BTAF1: variants seen among roughly 807,000 people sequenced by gnomAD.
The protein encoded by BTAF1 is B-TFIID TATA-box binding protein associated factor 1.
A neutral mutation model predicts 227.1 loss-of-function variants in BTAF1; 38 were observed. The ratio of observed to expected loss-of-function variants is 0.17; its 90% confidence interval spans 0.13 to 0.22. BTAF1 has a LOEUF of 0.22. Ranked by LOEUF, BTAF1 falls within the 10% of genes least tolerant of loss-of-function variation. The pLI is 1.00. For synonymous variants in BTAF1, 742 were observed against 751.9 expected (o/e 0.99, Z 0.21); for missense variants, 1,598 against 2,204.0 (o/e 0.73, Z 5.51).
At chr10:92,021,931 T>A (rs1487669729) in intron 34 of BTAF1, among the ~76,000 whole-genome samples, 1 of 152,076 alleles carries the variant, frequency 6.6e-6, no homozygotes, top group South Asian at 2.1e-4. Context: ...GAGGAATGAT[T>A]GAAAAAACGG....
At chr10:92,003,991 T>C (rs987494679) in intron 25 of BTAF1, among the ~76,000 whole-genome samples, 15 of 152,210 alleles carry the variant, frequency 9.9e-5, no homozygotes, top group African/African-American at 3.6e-4. Flanking sequence ...CCCTGATGAT[T>C]TATGTTGAGC....
At chr10:91,996,712 T>G in intron 24 of BTAF1, 142 bp downstream of exon 24, 1 of 784,482 alleles carries the variant, frequency 1.3e-6, no homozygotes, top group Non-Finnish European at 1.9e-6. Flanking sequence ...ACATCTTATT[T>G]TGAAATATTT....
rs559748518 is a variant in BTAF1 at position 91,939,572 on chromosome 10, G to A, written c.139-380G>A. Among the ~76,000 whole-genome samples, 33 of 152,198 alleles carry A rather than the reference G, an allele frequency of 2.2e-4. 1 individual carries two copies. The highest frequency in any genetic ancestry group is 7.7e-4 in the African/African-American group (32 of 41,532). On this transcript the variant is annotated intron_variant, in intron 2 of 37. Coordinates refer to ENST00000265990, the MANE Select transcript of BTAF1 (RefSeq NM_003972.3). ...TCCTGTCTCAGCCTCCCAAGTAGTC[G>A]GGATGACAGGTGTGTGCCACCATGC...
intron 14 of BTAF1, among the ~76,000 whole-genome samples, chr10:91,970,259 A>G (rs1847194771): frequency 6.6e-6 from 1 of 152,068 alleles, no homozygotes; most frequent in South Asian, 2.1e-4. Flanking sequence ...TGGGCCCTCA[A>G]TGTTTGTTAA....
Position 91,923,913 on chromosome 10 carries a change from G to C in BTAF1, c.-164G>C. 1.3e-6 allele frequency: 1 copy of C among 797,222 alleles called. No individual in the cohort carries two copies. The highest frequency in any genetic ancestry group is 1.8e-6 in the Non-Finnish European group (1 of 555,908). 49.4% of individuals were successfully genotyped at this position (797,222 alleles called of 1,614,324 possible). On this transcript the variant is annotated 5_prime_UTR_variant, in exon 1 of 38. Coordinates refer to ENST00000265990, the MANE Select transcript of BTAF1 (RefSeq NM_003972.3). ...GCCGCGGGGACGAGCTCGGGTAGGC[G>C]GCAGGGCAGATGCCCGAGGGCCTGC...
At chr10:91,991,319 CTG>C (rs2134023085) in intron 20 of BTAF1, among the ~76,000 whole-genome samples, 1 of 113,654 alleles carries the variant, frequency 8.8e-6, no homozygotes, top group Non-Finnish European at 2.0e-5. Flanking sequence ...TGGCGTGCGT[CTG>C]TAATCCTAGC....
intron 34 of BTAF1, among the ~76,000 whole-genome samples, chr10:92,021,603 G>A (rs1046198880): frequency 2.0e-5 from 3 of 151,326 alleles, no homozygotes; most frequent in East Asian, 1.9e-4. Flanking sequence ...ATGCAGTGGC[G>A]CGATCTTGGC....
chr10:92,001,979 TATATATAC>T (rs1339417886), intron 25 of BTAF1, among the ~76,000 whole-genome samples: 12 of 86,256 alleles, frequency 1.4e-4, no homozygotes, highest in Admixed American at 4.0e-4. Flanking sequence ...CATATATATA[TATATATAC>T]ACACACACAC....
rs193082208 is a variant in BTAF1, at chr10:91,948,620, G to A, written c.401-2783G>A. On this transcript the variant is annotated intron_variant, in intron 4 of 37. Coordinates refer to ENST00000265990, the MANE Select transcript of BTAF1 (RefSeq NM_003972.3). ...TGGTCCCAAATTCCTGGCCTCAAGC[G>A]ATTCTCCCACCTTGGCCTCCCAAAG... Among the ~76,000 whole-genome samples, 163 of 148,858 alleles carry A rather than the reference G, an allele frequency of 1.1e-3. 3 individuals carry two copies. In the East Asian group the frequency reaches 0.03, roughly 28 times the overall value.
intron 22 of BTAF1, 115 bp downstream of exon 22, chr10:91,993,962 C>A: frequency 3.9e-6 from 3 of 769,742 alleles, no homozygotes; most frequent in East Asian, 3.3e-5. Flanking sequence ...TCCAGACCAG[C>A]TGGTAAGTTT....
intron 4 of BTAF1, among the ~76,000 whole-genome samples, chr10:91,945,216 A>G (rs1038278030): frequency 1.3e-5 from 2 of 152,098 alleles, no homozygotes; most frequent in African/African-American, 4.8e-5. Flanking sequence ...GTTCATCTAT[A>G]TGACAGCGTA....
intron 14 of BTAF1, among the ~76,000 whole-genome samples, chr10:91,970,681 A>G (rs1039979497): frequency 2.6e-5 from 4 of 152,234 alleles, no homozygotes; most frequent in Non-Finnish European, 5.9e-5. Flanking sequence ...CACAGAGCCA[A>G]ACCATATCAT....
chr10:92,015,174 C>T (rs1850625771), intron 32 of BTAF1, among the ~76,000 whole-genome samples: 2 of 152,222 alleles, frequency 1.3e-5, no homozygotes, highest in Non-Finnish European at 2.9e-5. Context: ...ACATAAAGAC[C>T]ATTATTAAAG....
At chr10:91,954,851 C>G (rs998179143) in intron 6 of BTAF1, among the ~76,000 whole-genome samples, 2 of 152,312 alleles carry the variant, frequency 1.3e-5, no homozygotes, top group Admixed American at 1.3e-4. Context: ...AGCCATCACA[C>G]CTGGCCAAAA....
chr10:91,981,535 C>A, intron 15 of BTAF1, 108 bp from the exon 16 acceptor site: 1 of 1,138,354 alleles, frequency 8.8e-7, no homozygotes, highest in Non-Finnish European at 1.2e-6. Flanking sequence ...CTAAATTAAT[C>A]TCTGTGCTAT....
intron 25 of BTAF1, among the ~76,000 whole-genome samples, chr10:92,000,314 A>G (rs1564707705): frequency 1.3e-5 from 2 of 152,220 alleles, no homozygotes; most frequent in Non-Finnish European, 2.9e-5. Flanking sequence ...GGAATAAGTG[A>G]GCAGTGGGAA....
chr10:91,959,229 G>C, intron 9 of BTAF1, 75 bp downstream of exon 9: 4 of 1,604,358 alleles, frequency 2.5e-6, no homozygotes, highest in East Asian at 2.2e-5. Context: ...GAAGTAACGA[G>C]TATGTGCCGT....
chr10:91,949,189 T>C (rs1437896080), intron 4 of BTAF1, among the ~76,000 whole-genome samples: 1 of 152,008 alleles, frequency 6.6e-6, no homozygotes. Context: ...GGTGCATGCC[T>C]GTGGTCCCAG....
intron 4 of BTAF1, among the ~76,000 whole-genome samples, chr10:91,944,825 T>G (rs541014035): frequency 5.3e-5 from 8 of 152,346 alleles, no homozygotes; most frequent in African/African-American, 1.4e-4. Flanking sequence ...ATAACAGCAT[T>G]TAAGTCAGCA....
Sources: gnomAD v4.1 joint callset for allele counts (sites outside exome capture counted in the v4.1 genomes callset) on GRCh38, gnomAD v4.1.1 for gene constraint, MANE v1.5 for transcripts, NCBI Gene and HGNC (gene_info 2026-07-23, HGNC 2026-07-21) for gene names.